Variants in MDGA2 observed in about 807,000 individuals in gnomAD.
MDGA2 encodes MAM domain-containing glycosylphosphatidylinositol anchor protein 2.
MDGA2 carries 40 observed loss-of-function variants against 117.8 expected under a neutral mutation model. The ratio of observed to expected loss-of-function variants is 0.34; its 90% CI spans 0.26 to 0.44. The LOEUF (loss-of-function observed/expected upper bound fraction) is 0.44. MDGA2 is among the 20% of genes least tolerant of loss of function. The probability of loss-of-function intolerance (pLI) is 1.00; values close to 1 mark genes in which losing one functional copy is unlikely to be tolerated. For missense variants in MDGA2, 1,123 were observed against 1,250.6 expected (o/e 0.90, Z 1.54); for synonymous variants, 452 against 439.0 (o/e 1.03, Z -0.37).
At chr14:47,286,363 C>G (rs958514109) in intron 2 of MDGA2, among the ~76,000 whole-genome samples, 3 of 151,898 alleles carry the variant, frequency 2.0e-5, no homozygotes, top group African/African-American at 7.3e-5. Context: ...CTAACCAAAC[C>G]CTCTTTATCC....
chr14:47,215,597 A>G (rs1886057575), intron 3 of MDGA2, among the ~76,000 whole-genome samples: 1 of 152,118 alleles, frequency 6.6e-6, no homozygotes, highest in South Asian at 2.1e-4. Flanking sequence ...TATCTGAAGG[A>G]ATTAATTTAT....
At chr14:47,583,727 T>C (rs1405080304) in intron 1 of MDGA2, among the ~76,000 whole-genome samples, 1 of 151,860 alleles carries the variant, frequency 6.6e-6, no homozygotes, top group Non-Finnish European at 1.5e-5. Flanking sequence ...GGCTGGAATC[T>C]GGTCCCCAGA....
intron 1 of MDGA2, among the ~76,000 whole-genome samples, chr14:47,506,795 A>G (rs1321286597): frequency 2.0e-5 from 3 of 152,180 alleles, no homozygotes; most frequent in African/African-American, 4.8e-5. Flanking sequence ...CGGGAGGATC[A>G]TTTGAGGTCA....
intron 1 of MDGA2, among the ~76,000 whole-genome samples, chr14:47,640,752 T>C (rs1318032241): frequency 6.6e-6 from 1 of 152,086 alleles, no homozygotes; most frequent in Non-Finnish European, 1.5e-5. Context: ...TATCCTCACG[T>C]CCCTCAATAT....
At chr14:47,412,311 C>T (rs926247118) in intron 1 of MDGA2, among the ~76,000 whole-genome samples, 12 of 152,020 alleles carry the variant, frequency 7.9e-5, no homozygotes, top group Non-Finnish European at 1.0e-4. Context: ...GATAGGGTCT[C>T]GTTCAGCCAC....
At chr14:46,993,684 C>T (rs1338784211) in intron 8 of MDGA2, among the ~76,000 whole-genome samples, 1 of 152,120 alleles carries the variant, frequency 6.6e-6, no homozygotes, top group Non-Finnish European at 1.5e-5. Flanking sequence ...TGGTCTTGAA[C>T]TCCTGGTCTC....
intron 1 of MDGA2, among the ~76,000 whole-genome samples, chr14:47,318,742 C>G (rs1434463102): frequency 6.9e-6 from 1 of 144,312 alleles, no homozygotes; most frequent in Non-Finnish European, 1.5e-5. Flanking sequence ...AATGGCCTAT[C>G]TAGATCTGTA....
At chr14:47,621,092 A>G (rs917861050) in intron 1 of MDGA2, among the ~76,000 whole-genome samples, 2 of 152,190 alleles carry the variant, frequency 1.3e-5, no homozygotes, top group East Asian at 1.9e-4. Context: ...AATGATCTTT[A>G]TGCCTGAATA....
At chr14:46,879,780 A>G (rs1023206414) in intron 11 of MDGA2, among the ~76,000 whole-genome samples, 3 of 152,168 alleles carry the variant, frequency 2.0e-5, no homozygotes, top group Admixed American at 2.0e-4. Flanking sequence ...GGGTCCGAAT[A>G]TCTTCATCTT....
At chr14:47,284,290 C>T (rs538755073) in intron 2 of MDGA2, among the ~76,000 whole-genome samples, 5 of 152,120 alleles carry the variant, frequency 3.3e-5, no homozygotes, top group Non-Finnish European at 5.9e-5. Context: ...ATCTCTGGGA[C>T]TTGAGTGTAA....
At chr14:47,107,014 A>C (rs12586856) in intron 5 of MDGA2, among the ~76,000 whole-genome samples, 1 of 104,904 alleles carries the variant, frequency 9.5e-6, no homozygotes, top group African/African-American at 4.3e-5. Flanking sequence ...TCTCATTGCC[A>C]CCCTTCTTCC....
At chr14:47,360,424 G>T (rs1385451066) in intron 1 of MDGA2, among the ~76,000 whole-genome samples, 3 of 151,126 alleles carry the variant, frequency 2.0e-5, no homozygotes, top group Non-Finnish European at 4.4e-5. Context: ...ATGTGCAAAG[G>T]ATCTGAATAG....
At position 47,075,885 on chromosome 14, in the gene MDGA2, T is replaced by C. The variant is rs923943980; in HGVS notation, c.1196-14307A>G. Among the ~76,000 whole-genome samples the C allele has an allele frequency of 7.2e-5, 11 of 152,274 alleles. No homozygotes were observed. In the South Asian group the frequency reaches 1.9e-3, roughly 26 times the overall value. On this transcript the variant is annotated intron_variant, in intron 6 of 16. Transcript: ENST00000399232. ...AATCTGTACCCTCCAGTGATAACAG[T>C]GGACTATGCATTTTTACATTTCTAG...
At chr14:47,167,362 C>T (rs1464249728) in intron 3 of MDGA2, among the ~76,000 whole-genome samples, 4 of 152,166 alleles carry the variant, frequency 2.6e-5, no homozygotes, top group Non-Finnish European at 5.9e-5. Flanking sequence ...AGATACTTAA[C>T]CTCTCTGTGT....
chr14:47,536,837 A>G (rs182052336), intron 1 of MDGA2, among the ~76,000 whole-genome samples: 1 of 152,328 alleles, frequency 6.6e-6, no homozygotes, highest in East Asian at 1.9e-4. Context: ...TTAAATAACC[A>G]ATAGTTTTAA....
intron 10 of MDGA2, among the ~76,000 whole-genome samples, chr14:46,894,158 A>C (rs1174086648): frequency 1.3e-5 from 2 of 152,098 alleles, no homozygotes; most frequent in African/African-American, 4.8e-5. Flanking sequence ...AAATCTTATA[A>C]AAAATCTATC....
chr14:47,652,675 G>A (rs1458915284), intron 1 of MDGA2, among the ~76,000 whole-genome samples: 4 of 152,010 alleles, frequency 2.6e-5, no homozygotes, highest in Non-Finnish European at 5.9e-5. Context: ...CAGCAAACCA[G>A]GCAAGTGGAT....
chr14:47,440,352 G>T (rs1364174716), intron 1 of MDGA2, among the ~76,000 whole-genome samples: 1 of 152,076 alleles, frequency 6.6e-6, no homozygotes, highest in Non-Finnish European at 1.5e-5. Context: ...TATGTCCATG[G>T]GACTTTGTTT....
At chr14:47,177,157 G>A (rs1481003421) in intron 3 of MDGA2, among the ~76,000 whole-genome samples, 1 of 152,198 alleles carries the variant, frequency 6.6e-6, no homozygotes, top group Admixed American at 6.5e-5. Context: ...AACAACAGGT[G>A]CTAGAGAGGA....
Sources: gnomAD v4.1 joint callset for allele counts (sites outside exome capture counted in the v4.1 genomes callset) on GRCh38, gnomAD v4.1.1 for gene constraint, MANE v1.5 for transcripts, NCBI Gene and HGNC (gene_info 2026-07-23, HGNC 2026-07-21) for gene names.